Variants in FBXL18 observed in about 807,000 individuals in gnomAD.
FBXL18 encodes F-box/LRR-repeat protein 18.
A neutral mutation model predicts 46.0 loss-of-function variants in FBXL18; 36 were observed. The observed-to-expected ratio is 0.78, with a 90% CI of 0.60 to 1.03. The LOEUF (loss-of-function observed/expected upper bound fraction) is 1.03. FBXL18 is among the 50% of genes least tolerant of loss of function. The pLI, the probability that FBXL18 is intolerant of heterozygous loss-of-function variation, is 0.00. For missense variants in FBXL18, 977 were observed against 1,004.1 expected (o/e 0.97, Z 0.36); for synonymous variants, 557 against 465.3 (o/e 1.20, Z -2.54).
rs1364154239 is a variant in FBXL18 at position 5,496,600 on chromosome 7, G to A, written c.1781+3888C>T. On this transcript the variant is annotated intron_variant, in intron 3 of 4. Coordinates refer to ENST00000382368, the MANE Select transcript of FBXL18 (RefSeq NM_024963.6). This position sits in a 1 kb window ranked among gnomAD's most constrained non-coding sequence, Gnocchi z 4.8. ...GAGGCCACACTTAACAGACTCTCCG[G>A]ACCGGGCACAGTGGCTCACACCTGT... 2.6e-5 allele frequency among the ~76,000 whole-genome samples: 4 copies of A among 152,174 alleles called. No homozygotes were observed. Among genetic ancestry groups the A allele is most frequent in the Non-Finnish European group, 4.4e-5 (3 of 68,038 alleles).
intron 4 of FBXL18, among the ~76,000 whole-genome samples, chr7:5,470,446 G>A (rs973182630): frequency 4.6e-5 from 7 of 152,064 alleles, no homozygotes; most frequent in East Asian, 1.9e-4. Context: ...ACCCGTGCCC[G>A]CGGGAGCCTG....
At chr7:5,473,972 C>T (rs554190913), downstream of FBXL18, among the ~76,000 whole-genome samples, 1 of 151,754 alleles carries the variant, frequency 6.6e-6, no homozygotes, top group East Asian at 2.0e-4. Context: ...AATTTTTGTA[C>T]TTTTTGTAGA....
At chr7:5,505,379 T>A (rs1286150537) in intron 2 of FBXL18, 33 bp downstream of exon 2, 7 of 1,594,156 alleles carry the variant, frequency 4.4e-6, no homozygotes, top group Non-Finnish European at 6.0e-6. Flanking sequence ...AGATCTAGCT[T>A]GTTTCTCATC....
At chr7:5,484,406 C>T (rs1161382201) in intron 4 of FBXL18, among the ~76,000 whole-genome samples, 1 of 147,868 alleles carries the variant, frequency 6.8e-6, no homozygotes, top group East Asian at 2.0e-4. Flanking sequence ...GGAAGGTGAG[C>T]TTGCAGTGAG....
chr7:5,502,770 G>A (rs531882890), intron 2 of FBXL18, among the ~76,000 whole-genome samples: 1 of 151,070 alleles, frequency 6.6e-6, no homozygotes, highest in Non-Finnish European at 1.5e-5. Flanking sequence ...AGAGGTTGCA[G>A]TGAGCCAAGA....
intron 4 of FBXL18, among the ~76,000 whole-genome samples, chr7:5,458,562 G>T (rs895895477): frequency 6.6e-6 from 1 of 152,114 alleles, no homozygotes; most frequent in African/African-American, 2.4e-5. Context: ...GCCAGGCATT[G>T]TGGCGTCCAC....
intron 3 of FBXL18, among the ~76,000 whole-genome samples, chr7:5,494,384 A>C (rs748604196): frequency 2.6e-5 from 4 of 152,194 alleles, no homozygotes; most frequent in Non-Finnish European, 5.9e-5. Context: ...GTGAGCTGAG[A>C]TCACACCACT....
rs1783156200 is a variant in FBXL18 at position 5,455,314 on chromosome 7, A to G, written c.2001-7471T>C. On this transcript the variant is annotated intron_variant and NMD_transcript_variant, in intron 4 of 6. Coordinates refer to the FBXL18 transcript ENST00000415009. The surrounding 1 kb of genome is among the most constrained non-coding windows in gnomAD (Gnocchi z 4.6). ...AGTATTCTCGGGCATATGCTTGGGT[A>G]GCACTCTCAAGGAGCACTCAGGGCA... Among the ~76,000 whole-genome samples, 1 of 151,938 alleles carries G rather than the reference A, an allele frequency of 6.6e-6. No individual in the cohort carries two copies.
At chr7:5,461,949 G>GA (rs1783253998) in intron 4 of FBXL18, among the ~76,000 whole-genome samples, 1 of 150,850 alleles carries the variant, frequency 6.6e-6, no homozygotes, top group Admixed American at 6.6e-5. Flanking sequence ...TCAAAAGAAA[G>GA]AAAAAAAAGA....
chr7:5,504,103 G>C (rs923509134), intron 2 of FBXL18, among the ~76,000 whole-genome samples: 24 of 151,620 alleles, frequency 1.6e-4, no homozygotes, highest in African/African-American at 5.1e-4. Context: ...AGCACACTCA[G>C]CTCCCTCATC....
At chr7:5,484,378 G>A (rs1333280523) in intron 4 of FBXL18, among the ~76,000 whole-genome samples, 1 of 151,584 alleles carries the variant, frequency 6.6e-6, no homozygotes, top group Non-Finnish European at 1.5e-5. Flanking sequence ...GGCTGCGGCA[G>A]GAGAATGGCA....
At chr7:5,509,018 C>T (rs1323598602) in intron 1 of FBXL18, among the ~76,000 whole-genome samples, 1 of 151,900 alleles carries the variant, frequency 6.6e-6, no homozygotes, top group Non-Finnish European at 1.5e-5. Context: ...CATGATGAAA[C>T]CCCATCTCCA....
chr7:5,458,363 G>A (rs1246990041), intron 4 of FBXL18, among the ~76,000 whole-genome samples: 3 of 152,144 alleles, frequency 2.0e-5, no homozygotes, highest in East Asian at 3.8e-4. Flanking sequence ...TCAGGAGTTC[G>A]AGACCAACCT....
chr7:5,485,818 G>A (rs1474179496), intron 4 of FBXL18, among the ~76,000 whole-genome samples: 2 of 152,142 alleles, frequency 1.3e-5, no homozygotes, highest in Non-Finnish European at 2.9e-5. Context: ...TTGGGAGGCT[G>A]AGGTGGGCGG....
chr7:5,500,353 C>G, intron 3 of FBXL18, 135 bp downstream of exon 3: 2 of 760,568 alleles, frequency 2.6e-6, no homozygotes, highest in Non-Finnish European at 4.2e-6. Context: ...CCGAGACCGA[C>G]GTGGCACGCT....
chr7:5,462,531 C>T (rs912456005), intron 4 of FBXL18, among the ~76,000 whole-genome samples: 4 of 152,144 alleles, frequency 2.6e-5, no homozygotes, highest in Admixed American at 2.0e-4. Flanking sequence ...GTACCCAGCT[C>T]GCCATGGATT....
intron 3 of FBXL18, among the ~76,000 whole-genome samples, chr7:5,498,251 C>A (rs543898593): frequency 6.6e-6 from 1 of 151,988 alleles, no homozygotes; most frequent in Non-Finnish European, 1.5e-5. Flanking sequence ...CCACGCCCAG[C>A]TAATTTTTTG....
intron 1 of FBXL18, among the ~76,000 whole-genome samples, chr7:5,507,990 C>T (rs1425089346): frequency 2.0e-5 from 3 of 151,554 alleles, no homozygotes; most frequent in African/African-American, 7.3e-5. Context: ...AAAATTAGGC[C>T]AGACGTGGTG....
rs907545200 is a variant in FBXL18, at chr7:5,500,658, C to G, written c.1611G>C (p.Thr537=). 1.9e-6 allele frequency: 3 copies of G among 1,611,522 alleles called. No individual in the cohort carries two copies. Among genetic ancestry groups the G allele is most frequent in the Non-Finnish European group, 2.5e-6 (3 of 1,179,322 alleles). ...TAAGGACGCTGGGCAGCTGTGCGAG[C>G]GTCAGGTGCCGCAGGAAGGCCAGCT... ...IGQLAFLRHL[T]LAQLPSVLTG... Residue 537 remains threonine (T), a synonymous_variant, in exon 3 of 5, where the codon ACG becomes ACC. Transcript: ENST00000382368.
Sources: allele counts gnomAD v4.1 joint callset (sites outside exome capture counted in the v4.1 genomes callset), GRCh38; gene constraint gnomAD v4.1.1; non-coding constraint Gnocchi (gnomAD v3.1); transcripts MANE v1.5; gene names NCBI Gene and HGNC (gene_info 2026-07-23, HGNC 2026-07-21).